The following PCDH10 variants were observed in gnomAD, a reference collection of about 807,000 sequenced individuals.
PCDH10 encodes protocadherin-10.
In PCDH10, 15 loss-of-function variants were observed where a neutral mutation model predicts 74.4. That is an observed-to-expected ratio of 0.20 (90% CI 0.13 to 0.31). The LOEUF (loss-of-function observed/expected upper bound fraction) is 0.31. PCDH10 is among the 10% of genes least tolerant of loss of function. The pLI is 1.00. For synonymous variants in PCDH10, 619 were observed against 589.8 expected, an observed-to-expected ratio of 1.05 and a Z score of -0.72; for missense variants, 1,260 against 1,390.2, an observed-to-expected ratio of 0.91 and a Z score of 1.49.
In PCDH10 at chr4:133,152,757, A is replaced by G. The variant is rs1339585906; in HGVS notation, c.2617A>G (p.Ile873Val). 3.1e-6 allele frequency: 5 copies of G among 1,614,044 alleles called. No individual in the cohort carries two copies. The highest frequency in any genetic ancestry group is 1.7e-5 in the Admixed American group (1 of 60,014). ...GCCTGATATCATCTCCAACGGAAGC[A>G]TTTTGTCCAACGAGGTAAGGCTGAA... is the stretch of plus-strand genomic sequence containing the variant. ...QQPDIISNGS[I>V]LSNETKHQRA... The change falls in exon 1 of 5, where the codon ATT becomes GTT. Residue 873 changes from isoleucine (I) to valine (V), a missense_variant. By Grantham distance (29) the Ile-to-Val change is conservative. Transcript: ENST00000264360.
chr4:133,150,104 G>T lies in PCDH10; in HGVS notation c.-37G>T. The T allele has an allele frequency of 1.4e-6, 2 of 1,469,698 alleles. No individual in the cohort carries two copies. The highest frequency in any genetic ancestry group is 3.0e-5 in the South Asian group (2 of 65,598). 91.0% of individuals were successfully genotyped at this position (1,469,698 alleles called of 1,614,324 possible). A position where few individuals can be genotyped will look rare whatever the true frequency, so the allele number is the denominator to read the frequency against. On this transcript the variant is annotated 5_prime_UTR_variant, in exon 1 of 5. Transcript: ENST00000264360. The stretch of plus-strand genomic sequence containing the variant: ...TGGTGGGGGAGGTGATTGGGTGGCT[G>T]ACTGGCTGCGGGAAGCTACTTCCTT...
chr4:133,162,786 T>A (rs759424165), intron 3 of PCDH10, among the ~76,000 whole-genome samples, 191 bp from the exon 4 acceptor site: 37 of 152,228 alleles, frequency 2.4e-4, no homozygotes, highest in Admixed American at 1.5e-3. Context: ...CATTTGCAGA[T>A]CATTTTCCCT....
chr4:133,183,276 A>G (rs1166985431), intron 4 of PCDH10, among the ~76,000 whole-genome samples: 2 of 152,054 alleles, frequency 1.3e-5, no homozygotes, highest in Admixed American at 6.6e-5. Flanking sequence ...AATCCACTGG[A>G]AAGATATTTC....
At chr4:133,207,931 G>A (rs1444855442) in intron 2 of PCDH10, 1 of 152,116 alleles carries the variant, frequency 6.6e-6, no homozygotes, top group Non-Finnish European at 1.5e-5. Flanking sequence ...CTGAATGTAG[G>A]TGGGATTAGT....
At chr4:133,169,777 A>G (rs970485450) in intron 4 of PCDH10, among the ~76,000 whole-genome samples, 4 of 152,004 alleles carry the variant, frequency 2.6e-5, no homozygotes, top group African/African-American at 7.2e-5. Flanking sequence ...TCATTTGCCT[A>G]TAAATATCAT....
chr4:133,151,914 C>G lies in PCDH10; in HGVS notation c.1774C>G (p.Arg592Gly). Residue 592 changes from arginine to glycine, a missense_variant, in exon 1 of 5, where the codon CGC (arginine) becomes GGC (glycine). Around this residue, in one of 11 missense-constraint regions of PCDH10, gnomAD observed 587 missense variants for 616.9 expected, o/e 0.95. Transcript: ENST00000264360. ...NGTPAREVLP[R>G]SAEPGYLLTR... ...GACTCCAGCGCGTGAGGTGCTGCCC[C>G]GCTCGGCGGAGCCGGGTTACCTGCT... 1 of 1,612,330 alleles carries G rather than the reference C, an allele frequency of 6.2e-7. No individual in the cohort carries two copies. The highest frequency in any genetic ancestry group is 8.5e-7 in the Non-Finnish European group (1 of 1,179,650).
chr4:133,184,138 A>G (rs1727477103), intron 4 of PCDH10, among the ~76,000 whole-genome samples: 1 of 152,180 alleles, frequency 6.6e-6, no homozygotes, highest in East Asian at 1.9e-4. Flanking sequence ...TTTGCTTTCT[A>G]AAAGACTAAT....
At chr4:133,174,192 A>G (rs1727249355) in intron 4 of PCDH10, among the ~76,000 whole-genome samples, 1 of 151,918 alleles carries the variant, frequency 6.6e-6, no homozygotes, top group Non-Finnish European at 1.5e-5. Context: ...TTAATCATCC[A>G]AAGTCATAAT....
chr4:133,195,316 A>T (rs1158156024), downstream of PCDH10, among the ~76,000 whole-genome samples: 2 of 152,066 alleles, frequency 1.3e-5, no homozygotes, highest in Non-Finnish European at 2.9e-5. Flanking sequence ...CAAGTTAGCC[A>T]GGGGGAGGGT....
chr4:133,190,574 C>G lies in PCDH10; in HGVS notation c.*414C>G, dbSNP rs558421057. ...CTGTTTTATATTATTTTTGTGTGAT[C>G]AAGTGTTCCGCAAGCTATTCCAACT... On this transcript the variant is annotated 3_prime_UTR_variant, in exon 5 of 5. Coordinates refer to ENST00000264360, the MANE Select transcript of PCDH10 (RefSeq NM_032961.3). The G allele has an allele frequency of 1.1e-4, 18 of 161,600 alleles. No individual in the cohort carries two copies. The highest frequency in any genetic ancestry group is 4.3e-4 in the African/African-American group (18 of 41,902). The allele number at this position is 161,600 out of a possible 1,614,324, so 10.0% of individuals were successfully genotyped here. A position where few individuals can be genotyped will look rare whatever the true frequency, so the allele number is the denominator to read the frequency against.
chr4:133,176,531 C>T (rs1380051807), intron 4 of PCDH10, among the ~76,000 whole-genome samples: 6 of 152,122 alleles, frequency 3.9e-5, no homozygotes, highest in Non-Finnish European at 5.9e-5. Flanking sequence ...TTAAATAGAA[C>T]TAATTATGCT....
chr4:133,161,823 T>A lies in PCDH10; in HGVS notation c.2798-1154T>A, dbSNP rs577683013. Among the ~76,000 whole-genome samples, 3 of 152,240 alleles carry A rather than the reference T, an allele frequency of 2.0e-5. No homozygotes were observed. The East Asian group carries it at 5.8e-4, about 29-fold the overall frequency. ...CCATGCCAGTGAGCTGGGGAGCTTC[T>A]TAGCCATTTAAAGTTTGAGAATAGG... On this transcript the variant is annotated intron_variant, in intron 3 of 4. Transcript: ENST00000264360.
Position 133,163,185 on chromosome 4 carries a change from C to G in PCDH10, c.3006C>G (p.Thr1002=), listed in dbSNP as rs762166123. 15 of 1,613,970 alleles carry G rather than the reference C, an allele frequency of 9.3e-6. No individual in the cohort carries two copies. The South Asian group carries it at 9.9e-5, about 11-fold the overall frequency. Residue 1002 remains threonine (T), a synonymous_variant, in exon 4 of 5, where the codon ACC becomes ACG. Transcript: ENST00000264360. ...CTGGGGCAGAGCGGTCCTTTTCCACCTTTGGCAAAGAGAAGGCCCTTCACA... is the reference window on the plus strand; with the variant it reads ...CTGGGGCAGAGCGGTCCTTTTCCACGTTTGGCAAAGAGAAGGCCCTTCACA... ...AQPGAERSFS[T]FGKEKALHST... is the part of the protein sequence containing the mutation.
intron 3 of PCDH10, among the ~76,000 whole-genome samples, chr4:133,157,208 A>C (rs1013976120): frequency 1.3e-5 from 2 of 152,214 alleles, no homozygotes; most frequent in Non-Finnish European, 2.9e-5. Flanking sequence ...AAGTGATTGC[A>C]CCTTTGTGTG....
rs977461846 is a variant in PCDH10 at position 133,191,804 on chromosome 4, T to C, written c.*1644T>C. 6.6e-5 allele frequency: 10 copies of C among 151,680 alleles called. No individual in the cohort carries two copies. The highest frequency in any genetic ancestry group is 2.4e-4 in the African/African-American group (10 of 41,388). 9.4% of individuals were successfully genotyped at this position (151,680 alleles called of 1,614,324 possible). A position where few individuals can be genotyped will look rare whatever the true frequency, so the allele number is the denominator to read the frequency against. On this transcript the variant is annotated 3_prime_UTR_variant, in exon 5 of 5. Transcript: ENST00000264360. ...ATTAGAAACCTGTTTTGAAATACTT[T>C]CCTTAATTTTTAACTGATCTTATAT...
chr4:133,202,183 A>G (rs889087344), intron 2 of PCDH10, among the ~76,000 whole-genome samples: 2 of 152,194 alleles, frequency 1.3e-5, no homozygotes, highest in African/African-American at 4.8e-5. Flanking sequence ...CATAAACTTT[A>G]GTGGTATCCT....
rs1727726155 is a variant in PCDH10, at chr4:133,193,602, A to T, written c.*3442A>T. 6.6e-6 allele frequency: 1 copy of T among 151,696 alleles called. No homozygotes were observed. The highest frequency in any genetic ancestry group is 2.4e-5 in the African/African-American group (1 of 41,420). The allele number at this position is 151,696 out of a possible 1,614,324, so 9.4% of individuals were successfully genotyped here. A position where few individuals can be genotyped will look rare whatever the true frequency, so the allele number is the denominator to read the frequency against. On this transcript the variant is annotated 3_prime_UTR_variant, in exon 5 of 5. Transcript: ENST00000264360. ...CAGTTAGTCTTTAAAACAATTACTC[A>T]GGCAGAGTGTGGCAAAAGTTCAGCA...
chr4:133,160,728 C>T (rs1726952490), intron 3 of PCDH10, among the ~76,000 whole-genome samples: 1 of 150,718 alleles, frequency 6.6e-6, no homozygotes, highest in Non-Finnish European at 1.5e-5. Context: ...TTGTATATTG[C>T]CTTATCTAGA....
chr4:133,161,654 C>T (rs569842873), intron 3 of PCDH10, among the ~76,000 whole-genome samples: 5 of 151,804 alleles, frequency 3.3e-5, no homozygotes, highest in African/African-American at 1.2e-4. Flanking sequence ...TGCATGGATT[C>T]GAGTTTCTTT....
Sources: allele counts gnomAD v4.1 joint callset (sites outside exome capture counted in the v4.1 genomes callset), GRCh38; gene constraint gnomAD v4.1.1; regional missense constraint gnomAD v4.1.1; transcripts MANE v1.5; gene names NCBI Gene and HGNC (gene_info 2026-07-23, HGNC 2026-07-21).